Variants in CCDC102B observed in about 807,000 individuals in gnomAD.
CCDC102B encodes coiled-coil domain-containing protein 102B.
In CCDC102B, 75 loss-of-function variants were observed where a neutral mutation model predicts 57.4. That is an observed-to-expected ratio of 1.31 (90% CI 1.08 to 1.58). The LOEUF (loss-of-function observed/expected upper bound fraction) is 1.58, where lower values mean the gene tolerates loss of function less well. Ranked by LOEUF, CCDC102B falls within the 40% of genes most tolerant of loss-of-function variation. The probability of loss-of-function intolerance (pLI) is 0.00; values close to 1 mark genes in which losing one functional copy is unlikely to be tolerated. For missense variants in CCDC102B, 636 were observed against 582.6 expected, an observed-to-expected ratio of 1.09 and a Z score of -0.94; for synonymous variants, 206 against 201.9, an observed-to-expected ratio of 1.02 and a Z score of -0.17.
At chr18:68,846,670 A>T (rs548798085) in intron 4 of CCDC102B, among the ~76,000 whole-genome samples, 10 of 151,916 alleles carry the variant, frequency 6.6e-5, no homozygotes, top group African/African-American at 2.4e-4. Flanking sequence ...ATTTTCAAAA[A>T]TCTTATTCTA....
intron 2 of CCDC102B, among the ~76,000 whole-genome samples, chr18:68,751,989 T>C (rs1335972301): frequency 1.3e-5 from 2 of 152,056 alleles, no homozygotes; most frequent in African/African-American, 4.8e-5. Context: ...AGGTCGGGCA[T>C]GGTAACTCAC....
chr18:68,846,561 T>G, intron 4 of CCDC102B, 140 bp downstream of exon 4: 1 of 464,998 alleles, frequency 2.2e-6, no homozygotes, highest in East Asian at 3.6e-5. Context: ...AGAGTAATAC[T>G]TGAAATCACT....
chr18:68,763,746 C>CAAATATTCCTCAATACAGACAAAT (rs1568237720), intron 2 of CCDC102B, among the ~76,000 whole-genome samples: 2 of 134,728 alleles, frequency 1.5e-5, no homozygotes, highest in African/African-American at 6.5e-5. Flanking sequence ...TCAATACAGA[C>CAAATATTCCTCAATACAGACAAAT]AAATATTCCT....
At chr18:68,803,936 G>C (rs1302077986) in intron 1 of CCDC102B, among the ~76,000 whole-genome samples, 1 of 152,078 alleles carries the variant, frequency 6.6e-6, no homozygotes, top group East Asian at 1.9e-4. Flanking sequence ...TGAATGTTGG[G>C]ATCCTAGAAA....
intron 4 of CCDC102B, among the ~76,000 whole-genome samples, chr18:68,851,835 T>G (rs564006592): frequency 6.6e-6 from 1 of 152,288 alleles, no homozygotes; most frequent in South Asian, 2.1e-4. Flanking sequence ...GGTAATTACC[T>G]CACACAATGG....
chr18:68,849,314 AT>A (rs1276311755), intron 4 of CCDC102B, among the ~76,000 whole-genome samples: 3 of 152,124 alleles, frequency 2.0e-5, no homozygotes, highest in African/African-American at 7.2e-5. Context: ...ATGGTGGAAT[AT>A]TAGCGCAGTT....
intron 5 of CCDC102B, among the ~76,000 whole-genome samples, chr18:68,896,607 T>C (rs768253737): frequency 6.6e-6 from 1 of 152,004 alleles, no homozygotes; most frequent in African/African-American, 2.4e-5. Context: ...CAATACGATT[T>C]TATTTGTGGT....
chr18:68,790,115 G>T (rs1239267773), intron 2 of CCDC102B, among the ~76,000 whole-genome samples: 3 of 149,374 alleles, frequency 2.0e-5, no homozygotes, highest in South Asian at 4.2e-4. Flanking sequence ...TGCCCCTGCT[G>T]GGGGGTGCCT....
chr18:68,930,616 G>A (rs902927784), intron 6 of CCDC102B, among the ~76,000 whole-genome samples: 1 of 151,814 alleles, frequency 6.6e-6, no homozygotes, highest in Non-Finnish European at 1.5e-5. Context: ...TATCTCTGTT[G>A]GGGAATAACT....
intron 6 of CCDC102B, among the ~76,000 whole-genome samples, chr18:68,999,260 T>C (rs752917566): frequency 1.1e-4 from 16 of 151,878 alleles, no homozygotes; most frequent in Non-Finnish European, 2.2e-4. Context: ...ATCTGGTCTA[T>C]AGGTTGAGTG....
At chr18:68,853,613 A>T (rs1170997258) in intron 4 of CCDC102B, among the ~76,000 whole-genome samples, 1 of 140,594 alleles carries the variant, frequency 7.1e-6, no homozygotes, top group African/African-American at 2.6e-5. Flanking sequence ...AAATTTGCGA[A>T]TTGTTTTCTC....
chr18:68,999,236 G>T (rs905439604), intron 6 of CCDC102B, among the ~76,000 whole-genome samples: 1 of 151,894 alleles, frequency 6.6e-6, no homozygotes, highest in African/African-American at 2.4e-5. Flanking sequence ...GTTTTGCTTT[G>T]AGGGGAAAAA....
chr18:68,853,529 T>C (rs1485073944), intron 4 of CCDC102B, among the ~76,000 whole-genome samples: 1 of 151,996 alleles, frequency 6.6e-6, no homozygotes, highest in Non-Finnish European at 1.5e-5. Context: ...AAATTATTAC[T>C]AGAACTTTTA....
intron 7 of CCDC102B, among the ~76,000 whole-genome samples, chr18:69,012,410 G>T (rs560010413): frequency 6.4e-4 from 97 of 152,212 alleles, no homozygotes; most frequent in African/African-American, 2.1e-3. Flanking sequence ...GCTAGTCTCC[G>T]AAGATCTGAT....
At chr18:68,992,950 C>A in intron 6 of CCDC102B, 2 of 175,654 alleles carry the variant, frequency 1.1e-5, no homozygotes, top group South Asian at 2.5e-4. Flanking sequence ...CACCAGAGGT[C>A]TGAGTCATTA....
Position 68,812,150 on chromosome 18 carries a change from G to A in CCDC102B, c.-16+13969G>A, listed in dbSNP as rs182730559. On this transcript the variant is annotated intron_variant, in intron 1 of 7. Coordinates refer to ENST00000360242, the MANE Select transcript of CCDC102B (RefSeq NM_024781.3). ...CTTGCTAAAGCTATATATCATGGTT[G>A]GGTTTACAGAAAACAAAAGCAGATT... Among the ~76,000 whole-genome samples the A allele has an allele frequency of 2.8e-3, 419 of 152,096 alleles. 1 individual carries two copies. The highest frequency in any genetic ancestry group is 9.5e-3 in the African/African-American group (393 of 41,510).
intron 6 of CCDC102B, among the ~76,000 whole-genome samples, chr18:68,988,220 GA>G (rs140492632): frequency 1.7e-4 from 26 of 150,108 alleles, no homozygotes; most frequent in Admixed American, 2.7e-4. Flanking sequence ...CCATAAAAGG[GA>G]AAAAAAAACA....
Position 68,838,749 on chromosome 18 carries a change from T to A in CCDC102B, c.650T>A (p.Met217Lys). Residue 217 changes from methionine (M) to lysine (K), a missense_variant, in exon 3 of 8, where the codon ATG becomes AAG. Met to Lys is a moderately conservative substitution (Grantham distance 95). Transcript: ENST00000360242. ...GATTCTCTAAAATTAAGTGAGGAGA[T>A]GAAGCCCAATCTAGATGGTGTTGAT... Reference protein sequence around the residue: ...VIDSLKLSEEMKPNLDGVDLF... With the variant: ...VIDSLKLSEEKKPNLDGVDLF... The A allele has an allele frequency of 6.2e-7, 1 of 1,613,994 alleles. No individual in the cohort carries two copies. The highest frequency in any genetic ancestry group is 8.5e-7 in the Non-Finnish European group (1 of 1,179,924).
intron 2 of CCDC102B, among the ~76,000 whole-genome samples, chr18:68,789,809 T>C (rs1036963650): frequency 4.0e-5 from 6 of 150,556 alleles, no homozygotes; most frequent in South Asian, 2.1e-4. Flanking sequence ...TTTGATCGTC[T>C]GAAGCCTTCT....
Sources: gnomAD v4.1 joint callset for allele counts (sites outside exome capture counted in the v4.1 genomes callset) on GRCh38, gnomAD v4.1.1 for gene constraint, MANE v1.5 for transcripts, NCBI Gene and HGNC (gene_info 2026-07-23, HGNC 2026-07-21) for gene names.